Variants in DYRK1A observed in about 807,000 individuals in gnomAD.
DYRK1A encodes dual specificity tyrosine phosphorylation regulated kinase 1A, also known as dual specificity tyrosine-phosphorylation-regulated kinase 1A.
DYRK1A carries 9 observed loss-of-function variants against 79.7 expected under a neutral mutation model. The observed-to-expected ratio is 0.11, with a 90% CI of 0.07 to 0.20. The LOEUF (loss-of-function observed/expected upper bound fraction) is 0.20. Among genes scored for constraint, DYRK1A ranks in the 10% least tolerant of loss-of-function variants. The pLI, the probability that DYRK1A is intolerant of heterozygous loss-of-function variation, is 1.00. For missense variants in DYRK1A, 622 were observed against 956.0 expected (o/e 0.65, Z 4.61); for synonymous variants, 349 against 329.7 (o/e 1.06, Z -0.63).
chr21:37,373,524 AT>A (rs1478373893), intron 1 of DYRK1A, among the ~76,000 whole-genome samples: 3 of 152,202 alleles, frequency 2.0e-5, no homozygotes, highest in African/African-American at 7.2e-5. Context: ...AGTATAACTT[AT>A]CTAAGGCTGA....
chr21:37,368,991 G>C (rs771994139), intron 1 of DYRK1A, among the ~76,000 whole-genome samples: 3 of 152,034 alleles, frequency 2.0e-5, no homozygotes, highest in Non-Finnish European at 4.4e-5. Context: ...AAACTATGTA[G>C]TCAATTTTTG....
Position 37,521,286 on chromosome 21 carries a change from ATAT to A in DYRK1A, c.*8756_*8758del, listed in dbSNP as rs1252210754. 1.3e-5 allele frequency: 2 copies of A among 152,238 alleles called. No individual in the cohort carries two copies. The highest frequency in any genetic ancestry group is 4.8e-5 in the African/African-American group (2 of 41,464). 9.4% of individuals were successfully genotyped at this position (152,238 alleles called of 1,614,324 possible). A position where few individuals can be genotyped will look rare whatever the true frequency, so the allele number is the denominator to read the frequency against. ...GCAAAATTAAAACAGTGAACTTGAAATATCTCCCCTACTCCCTGCAGAGACACT... is the reference window on the plus strand; with the variant it reads ...GCAAAATTAAAACAGTGAACTTGAAACTCCCCTACTCCCTGCAGAGACACT... On this transcript the variant is annotated 3_prime_UTR_variant, in exon 12 of 12. Coordinates refer to ENST00000647188, the MANE Select transcript of DYRK1A (RefSeq NM_001347721.2).
chr21:37,499,596 G>T (rs2053378927), intron 9 of DYRK1A, among the ~76,000 whole-genome samples: 1 of 152,140 alleles, frequency 6.6e-6, no homozygotes, highest in Non-Finnish European at 1.5e-5. Flanking sequence ...AAATCTCTCA[G>T]CAGTGTTTTA....
intron 1 of DYRK1A, among the ~76,000 whole-genome samples, chr21:37,388,566 A>AT (rs948841113): frequency 3.3e-5 from 5 of 151,766 alleles, no homozygotes; most frequent in Non-Finnish European, 7.4e-5. Context: ...CCTCATCAAT[A>AT]TTTTTTTTAA....
chr21:37,433,799 T>C (rs1442570316), intron 2 of DYRK1A, among the ~76,000 whole-genome samples: 1 of 152,240 alleles, frequency 6.6e-6, no homozygotes, highest in Non-Finnish European at 1.5e-5. Flanking sequence ...GACATTGATG[T>C]GTGACTAAAA....
chr21:37,398,187 C>A (rs1412004756), intron 1 of DYRK1A, among the ~76,000 whole-genome samples: 1 of 150,162 alleles, frequency 6.7e-6, no homozygotes, highest in Non-Finnish European at 1.5e-5. Context: ...TACACACACA[C>A]AAAATAGTTA....
intron 1 of DYRK1A, among the ~76,000 whole-genome samples, chr21:37,370,255 A>C (rs1379376623): frequency 1.3e-5 from 2 of 151,938 alleles, no homozygotes; most frequent in Non-Finnish European, 2.9e-5. Flanking sequence ...ACGAAGTGTT[A>C]ATTTGGATTG....
intron 1 of DYRK1A, chr21:37,410,560 T>G (rs914163911): frequency 6.6e-6 from 1 of 152,274 alleles, no homozygotes; most frequent in Non-Finnish European, 1.5e-5. Context: ...ACTTTCACTT[T>G]GTCACCCAGG....
At chr21:37,510,690 T>C (rs2053724118) in intron 11 of DYRK1A, among the ~76,000 whole-genome samples, 1 of 152,112 alleles carries the variant, frequency 6.6e-6, no homozygotes, top group Non-Finnish European at 1.5e-5. Flanking sequence ...CTAGGCCGTC[T>C]TCCAGGTCCT....
At chr21:37,417,529 C>CTTTTTCTTTTTCTTT (rs1555959239) in intron 1 of DYRK1A, among the ~76,000 whole-genome samples, 8 of 44,050 alleles carry the variant, frequency 1.8e-4, no homozygotes, top group African/African-American at 7.1e-4. Flanking sequence ...TTTTCTTTTT[C>CTTTTTCTTTTTCTTT]TTTTTTTTTT....
chr21:37,381,434 A>G (rs1250074789), intron 1 of DYRK1A, among the ~76,000 whole-genome samples: 2 of 152,228 alleles, frequency 1.3e-5, no homozygotes, highest in Non-Finnish European at 2.9e-5. Context: ...TGTCTTCTGT[A>G]TTAAAGGAGT....
intron 9 of DYRK1A, 44 bp downstream of exon 9, chr21:37,496,302 T>C (rs2053267619): frequency 1.3e-6 from 2 of 1,565,084 alleles, no homozygotes; most frequent in South Asian, 1.2e-5. Context: ...TTAAATTTCT[T>C]TATCATACCT....
At chr21:37,504,762 G>A (rs1164334689) in intron 9 of DYRK1A, 1 of 153,094 alleles carries the variant, frequency 6.5e-6, no homozygotes, top group Admixed American at 6.5e-5. Context: ...GCCTTTTTAT[G>A]TAGAACATCC....
chr21:37,489,736 C>T (rs1221986361), intron 6 of DYRK1A, among the ~76,000 whole-genome samples: 1 of 152,036 alleles, frequency 6.6e-6, no homozygotes, highest in Non-Finnish European at 1.5e-5. Flanking sequence ...AGAGGGCTGC[C>T]AACTACAGCA....
At chr21:37,449,635 TAGC>T (rs1302387919) in intron 2 of DYRK1A, among the ~76,000 whole-genome samples, 1 of 152,216 alleles carries the variant, frequency 6.6e-6, no homozygotes, top group Non-Finnish European at 1.5e-5. Context: ...GGTTATCAAT[TAGC>T]AGTCTCTTTC....
intron 1 of DYRK1A, among the ~76,000 whole-genome samples, chr21:37,398,074 A>ATATAT (rs201720054): frequency 9.1e-5 from 10 of 109,746 alleles, no homozygotes; most frequent in South Asian, 2.4e-4. Context: ...TCTTAAAAAA[A>ATATAT]AAATATATAT....
chr21:37,460,428 C>T (rs1455580834), intron 2 of DYRK1A, among the ~76,000 whole-genome samples: 3 of 152,228 alleles, frequency 2.0e-5, no homozygotes, highest in Middle Eastern at 3.4e-3. Flanking sequence ...AATGTTACTG[C>T]GCTATGAGGG....
Position 37,480,800 on chromosome 21 carries a change from T to G in DYRK1A, c.463T>G (p.Leu155Val), listed in dbSNP as rs1218945564. 1.2e-6 allele frequency: 2 copies of G among 1,605,322 alleles called. No individual in the cohort carries two copies. Among genetic ancestry groups the G allele is most frequent in the African/African-American group, 2.7e-5 (2 of 74,460 alleles). ...KWMDRYEIDS[L>V]IGKGSFGQVV... ...GATGGATCGTTACGAAATTGACTCC[T>G]TGATAGGCAAAGGTTCCTTTGGACA... Residue 155 changes from leucine (L) to valine (V), a missense_variant, in exon 5 of 12, where the codon TTG (leucine) becomes GTG (valine). Coordinates refer to ENST00000647188, the MANE Select transcript of DYRK1A (RefSeq NM_001347721.2).
rs2053860115 is a variant in DYRK1A, at chr21:37,515,013, A to T, written c.*2482A>T. On this transcript the variant is annotated 3_prime_UTR_variant, in exon 12 of 12. Coordinates refer to ENST00000647188, the MANE Select transcript of DYRK1A (RefSeq NM_001347721.2). ...CAGTTTGGTTACAGGACTTCTGTGC[A>T]TTGTAAACATAAACAGCATGGAAAA... is the stretch of plus-strand genomic sequence containing the variant. 1 of 152,668 alleles carries T rather than the reference A, an allele frequency of 6.6e-6. No individual in the cohort carries two copies. Among genetic ancestry groups the T allele is most frequent in the Admixed American group, 6.5e-5 (1 of 15,282 alleles). The allele number at this position is 152,668 out of a possible 1,614,324, so 9.5% of individuals were successfully genotyped here. A position where few individuals can be genotyped will look rare whatever the true frequency, so the allele number is the denominator to read the frequency against.
Sources: gnomAD v4.1 joint callset for allele counts (sites outside exome capture counted in the v4.1 genomes callset) on GRCh38, gnomAD v4.1.1 for gene constraint, MANE v1.5 for transcripts, NCBI Gene and HGNC (gene_info 2026-07-23, HGNC 2026-07-21) for gene names.